PATJ: variants seen among roughly 807,000 people sequenced by gnomAD.
The protein encoded by PATJ is inaD-like protein.
In PATJ, 190 loss-of-function variants were observed where a neutral mutation model predicts 224.9. The observed-to-expected ratio is 0.84, with a 90% CI of 0.75 to 0.95. PATJ has a LOEUF of 0.95. Ranked by LOEUF, PATJ falls within the 40% of genes least tolerant of loss-of-function variation. The probability of loss-of-function intolerance (pLI) is 0.00; values close to 1 mark genes in which losing one functional copy is unlikely to be tolerated. For synonymous variants in PATJ, 769 were observed against 820.3 expected, an observed-to-expected ratio of 0.94 and a Z score of 1.07; for missense variants, 2,121 against 2,270.3, an observed-to-expected ratio of 0.93 and a Z score of 1.34.
chr1:62,156,004 G>A (rs1480506837), intron 43 of PATJ, among the ~76,000 whole-genome samples: 1 of 138,326 alleles, frequency 7.2e-6, no homozygotes, highest in Non-Finnish European at 1.5e-5. Flanking sequence ...CTTGCAGTGA[G>A]CCGAGATTGC....
intron 20 of PATJ, among the ~76,000 whole-genome samples, chr1:61,869,975 A>T (rs1238817957): frequency 6.6e-6 from 1 of 151,854 alleles, no homozygotes; most frequent in Non-Finnish European, 1.5e-5. Flanking sequence ...TGTTACGGTG[A>T]TCTTTTAGCT....
At chr1:61,827,621 C>G in intron 16 of PATJ, 38 bp downstream of exon 16, 1 of 1,580,258 alleles carries the variant, frequency 6.3e-7, no homozygotes, top group Non-Finnish European at 8.6e-7. Context: ...ATAGGCATGC[C>G]CATTCATCAA....
chr1:61,902,228 A>G (rs1372701456), intron 24 of PATJ, among the ~76,000 whole-genome samples: 2 of 9,226 alleles, frequency 2.2e-4, no homozygotes, highest in Non-Finnish European at 5.6e-4. Context: ...CAAAGCAGGA[A>G]AAAAAAAAAA....
At chr1:61,981,867 C>T (rs1644470080) in intron 27 of PATJ, among the ~76,000 whole-genome samples, 1 of 152,000 alleles carries the variant, frequency 6.6e-6, no homozygotes, top group Non-Finnish European at 1.5e-5. Context: ...GACAGGGTTT[C>T]ACCATGTTGG....
Position 61,823,008 on chromosome 1 carries a change from A to G in PATJ, c.1747A>G (p.Ile583Val). 1.9e-6 allele frequency: 3 copies of G among 1,614,076 alleles called. No individual in the cohort carries two copies. The highest frequency in any genetic ancestry group is 2.5e-6 in the Non-Finnish European group (3 of 1,179,962). ...EVDSFDGHHY[I>V]SSIVSGGPVD... ...GGATTCCTTTGATGGGCACCATTAT[A>G]TTTCTTCAATTGTTTCTGGTGGTCC... Residue 583 changes from isoleucine (I) to valine (V), a missense_variant, in exon 15 of 44, where the codon ATT becomes GTT. Transcript: ENST00000642238.
rs1247341544 is a variant in PATJ, at chr1:61,871,070, G to GTTTTTTTT, written c.2836-4172_2836-4165dup. 2.8e-4 allele frequency among the ~76,000 whole-genome samples: 22 copies of GTTTTTTTT among 78,052 alleles called. 1 individual carries two copies. The highest frequency in any genetic ancestry group is 4.1e-4 in the South Asian group (1 of 2,450). 51.2% of individuals were successfully genotyped at this position (78,052 alleles called of 152,430 possible). A position where few individuals can be genotyped will look rare whatever the true frequency, so the allele number is the denominator to read the frequency against. Reference sequence around the variant, plus strand: ...TCCATTTTTTAAAGATTTGGTTTTTGTTTTTTTTGTTTTTTTTTTTTTGCC... The same window carrying GTTTTTTTT: ...TCCATTTTTTAAAGATTTGGTTTTTGTTTTTTTTTTTTTTTTGTTTTTTTTTTTTTGCC... On this transcript the variant is annotated intron_variant, in intron 20 of 43. Transcript: ENST00000642238.
intron 28 of PATJ, among the ~76,000 whole-genome samples, chr1:61,999,703 G>C (rs1439260195): frequency 1.3e-5 from 2 of 151,960 alleles, no homozygotes; most frequent in Admixed American, 1.3e-4. Flanking sequence ...GTATATAAGA[G>C]AGACCGTTCC....
intron 17 of PATJ, among the ~76,000 whole-genome samples, chr1:61,836,972 A>AT (rs1570797325): frequency 1.3e-5 from 2 of 152,346 alleles, no homozygotes; most frequent in South Asian, 2.1e-4. Context: ...CTTACTTAGC[A>AT]TTATTGTAGA....
chr1:61,825,089 A>G (rs946169985), intron 15 of PATJ, among the ~76,000 whole-genome samples: 1 of 152,226 alleles, frequency 6.6e-6, no homozygotes, highest in Admixed American at 6.5e-5. Flanking sequence ...GTTGAGAATC[A>G]GTTCCTTCAT....
intron 33 of PATJ, among the ~76,000 whole-genome samples, chr1:62,105,835 G>T (rs1477388473): frequency 6.6e-6 from 1 of 151,472 alleles, no homozygotes; most frequent in East Asian, 1.9e-4. Flanking sequence ...ATCCAGATGG[G>T]TTATTTAGTT....
intron 19 of PATJ, among the ~76,000 whole-genome samples, chr1:61,862,946 A>C (rs929717736): frequency 6.6e-6 from 1 of 151,744 alleles, no homozygotes; most frequent in Non-Finnish European, 1.5e-5. Flanking sequence ...ACATTTTAAA[A>C]ATTTCATAAC....
At chr1:61,901,065 C>G (rs922619906) in intron 23 of PATJ, among the ~76,000 whole-genome samples, 1 of 152,008 alleles carries the variant, frequency 6.6e-6, no homozygotes, top group East Asian at 1.9e-4. Flanking sequence ...ATTTATTGTT[C>G]TAGAAATCTA....
intron 30 of PATJ, among the ~76,000 whole-genome samples, chr1:62,041,501 C>G (rs895435068): frequency 2.6e-5 from 4 of 152,106 alleles, no homozygotes; most frequent in African/African-American, 7.2e-5. Flanking sequence ...GAAAAGTGAG[C>G]AGATCCTTGA....
chr1:61,964,029 G>A (rs150278222), intron 27 of PATJ, among the ~76,000 whole-genome samples: 31 of 152,140 alleles, frequency 2.0e-4, no homozygotes, highest in African/African-American at 7.0e-4. Context: ...CACAGTTTTA[G>A]TTCACACTAA....
chr1:61,929,968 A>G (rs528169725), intron 27 of PATJ, among the ~76,000 whole-genome samples: 2 of 152,362 alleles, frequency 1.3e-5, no homozygotes, highest in East Asian at 3.9e-4. Flanking sequence ...ACAAGCTCAT[A>G]TGCACAGGCA....
chr1:61,826,681 G>A (rs1336929850), intron 15 of PATJ, among the ~76,000 whole-genome samples: 2 of 152,128 alleles, frequency 1.3e-5, no homozygotes, highest in Non-Finnish European at 1.5e-5. Context: ...TGGTGACAAG[G>A]ATTAATCATT....
In PATJ at chr1:61,776,946, C is replaced by T. The variant is rs528434357; in HGVS notation, c.849+1612C>T. Among the ~76,000 whole-genome samples the T allele has an allele frequency of 2.1e-4, 32 of 152,162 alleles. No homozygotes were observed. In the South Asian group the frequency reaches 4.6e-3, roughly 22 times the overall value. ...TTCACCGTGTTAGCTATGATGGTCT[C>T]GATCTCCTGACCTCGTGATCCGCCC... is the stretch of plus-strand genomic sequence containing the variant. On this transcript the variant is annotated intron_variant, in intron 7 of 43. Transcript: ENST00000642238.
chr1:61,949,667 G>T (rs1018318169), intron 27 of PATJ, among the ~76,000 whole-genome samples: 4 of 152,208 alleles, frequency 2.6e-5, no homozygotes, highest in African/African-American at 7.2e-5. Context: ...AGCACTTTGG[G>T]AGGCCAAGGC....
chr1:61,809,575 C>T (rs1409766413), intron 14 of PATJ, among the ~76,000 whole-genome samples: 11 of 151,714 alleles, frequency 7.3e-5, no homozygotes, highest in African/African-American at 2.4e-4. Flanking sequence ...TCAGTAGAGA[C>T]GAGGTTTCTC....
Sources: gnomAD v4.1 joint callset for allele counts (sites outside exome capture counted in the v4.1 genomes callset) on GRCh38, gnomAD v4.1.1 for gene constraint, MANE v1.5 for transcripts, NCBI Gene and HGNC (gene_info 2026-07-23, HGNC 2026-07-21) for gene names.